BOC: variants seen among roughly 807,000 people sequenced by gnomAD.
The protein encoded by BOC is BOC cell adhesion associated, oncogene regulated.
A neutral mutation model predicts 112.0 loss-of-function variants in BOC; 76 were observed. That is an observed-to-expected ratio of 0.68 (90% CI 0.56 to 0.82). The LOEUF (loss-of-function observed/expected upper bound fraction) is 0.82, where lower values mean the gene tolerates loss of function less well. BOC is among the 40% of genes least tolerant of loss of function. The pLI, the probability that BOC is intolerant of heterozygous loss-of-function variation, is 0.00. For synonymous variants in BOC, 580 were observed against 599.8 expected (o/e 0.97, Z 0.48); for missense variants, 1,309 against 1,511.7 (o/e 0.87, Z 2.22).
At chr3:113,268,514 C>T (rs1440489135) in intron 5 of BOC, 69 bp downstream of exon 5, 5 of 1,492,336 alleles carry the variant, frequency 3.4e-6, no homozygotes, top group Non-Finnish European at 4.6e-6. Context: ...CAACCGCTCG[C>T]TGCTCAACAA....
chr3:113,255,704 T>G (rs1499898), intron 4 of BOC, among the ~76,000 whole-genome samples: 1 of 152,160 alleles, frequency 6.6e-6, no homozygotes, highest in East Asian at 1.9e-4. Flanking sequence ...CATATACTCC[T>G]GAATGGTCCT....
rs34031097 is a variant in BOC, at chr3:113,276,988, AAGATGAGC to A, written c.1543-1104_1543-1097del. 6.0e-3 allele frequency among the ~76,000 whole-genome samples: 921 copies of A among 152,324 alleles called. 7 individuals are homozygous for A. The highest frequency in any genetic ancestry group is 0.021 in the African/African-American group (872 of 41,566). The stretch of plus-strand genomic sequence containing the variant: ...TGTTGTCCCGAAAGGTGGCGCGGCA[AAGATGAGC>A]AGCCTCTCAGCATCACCTGTTGGGG... On this transcript the variant is annotated intron_variant, in intron 9 of 19. Transcript: ENST00000682979.
In BOC at chr3:113,273,037, G is replaced by C. The variant is rs748417440; in HGVS notation, c.962-32G>C. 3.0e-5 allele frequency: 47 copies of C among 1,575,834 alleles called. No individual in the cohort carries two copies. The Admixed American group carries it at 3.2e-4, about 11-fold the overall frequency. On this transcript the variant is annotated intron_variant, in intron 7 of 19. Coordinates refer to ENST00000682979, the MANE Select transcript of BOC (RefSeq NM_001378074.1). ...TCTGGCCCTGGGACAGAAAGACACA[G>C]CCCTTCTCACCCTGCTCTGGTTTCC...
chr3:113,236,715 T>G (rs1422803655), intron 2 of BOC, among the ~76,000 whole-genome samples: 2 of 152,130 alleles, frequency 1.3e-5, no homozygotes, highest in Non-Finnish European at 2.9e-5. Context: ...CAATGAACAT[T>G]TTTTTAAAAA....
chr3:113,278,026 T>C lies in BOC; in HGVS notation c.1543-69T>C, dbSNP rs1047287886. The C allele has an allele frequency of 5.4e-5, 85 of 1,576,166 alleles. 2 individuals carry two copies. In the South Asian group the frequency reaches 8.3e-4, roughly 15 times the overall value. On this transcript the variant is annotated intron_variant, in intron 9 of 19. Transcript: ENST00000682979. This position sits in a 1 kb window ranked among gnomAD's most constrained non-coding sequence, Gnocchi z 4.2. ...CCCTCTTGGGCTCAGCGCTGCTTTC[T>C]TTGTAAACCATAGCCCACTCGTAGC...
chr3:113,280,545 C>G lies in BOC; in HGVS notation c.2206-13C>G. 1 of 1,566,346 alleles carries G rather than the reference C, an allele frequency of 6.4e-7. No homozygotes were observed. Among genetic ancestry groups the G allele is most frequent in the South Asian group, 1.1e-5 (1 of 90,024 alleles). On this transcript the variant is annotated splice_polypyrimidine_tract_variant and intron_variant, in intron 13 of 19. Transcript: ENST00000682979. ...TGCCCATTGTCAACTTGTTTCTTCTCCATTCCCTATAGTACATCCCAGCAA... is the reference window on the plus strand; with the variant it reads ...TGCCCATTGTCAACTTGTTTCTTCTGCATTCCCTATAGTACATCCCAGCAA...
chr3:113,265,132 A>C (rs1318884294), intron 4 of BOC, among the ~76,000 whole-genome samples: 2 of 152,144 alleles, frequency 1.3e-5, no homozygotes, highest in Non-Finnish European at 2.9e-5. Context: ...GTTTTCTACC[A>C]CTGGGTTGCT....
Position 113,270,788 on chromosome 3 carries a change from G to T in BOC, c.524-13G>T. ...ACCCATCCCATCTTCCCCTGGCCCT[G>T]CCCTTTCCACAGGTAACTACCTGAT... is the stretch of plus-strand genomic sequence containing the variant. On this transcript the variant is annotated splice_polypyrimidine_tract_variant and intron_variant, in intron 5 of 19. Transcript: ENST00000682979. The T allele has an allele frequency of 3.7e-6, 6 of 1,601,606 alleles. No homozygotes were observed. Among genetic ancestry groups the T allele is most frequent in the Non-Finnish European group, 5.1e-6 (6 of 1,173,610 alleles).
chr3:113,283,720 G>C (rs934693690), intron 16 of BOC, 88 bp downstream of exon 16: 10 of 1,302,676 alleles, frequency 7.7e-6, no homozygotes, highest in Non-Finnish European at 8.6e-6. Flanking sequence ...TGTGTCCATG[G>C]AAAGCTCAAG....
chr3:113,220,182 G>A (rs1484435578), intron 2 of BOC, among the ~76,000 whole-genome samples: 2 of 152,188 alleles, frequency 1.3e-5, no homozygotes, highest in African/African-American at 4.8e-5. Context: ...TACTCATAGA[G>A]CAGCCACCAG....
At position 113,242,159 on chromosome 3, in the gene BOC, G is replaced by T. The variant is rs116092193; in HGVS notation, c.-81-7563G>T. Among the ~76,000 whole-genome samples, 542 of 152,112 alleles carry T rather than the reference G, an allele frequency of 3.6e-3. 4 individuals are homozygous for T. The highest frequency in any genetic ancestry group is 0.012 in the African/African-American group (513 of 41,496). ...AAGAAAAGAGAACGGCCTTCTAGGA[G>T]TGTAGGAGCTGCGTTTATCCAATTA... On this transcript the variant is annotated intron_variant, in intron 2 of 19. Coordinates refer to ENST00000682979, the MANE Select transcript of BOC (RefSeq NM_001378074.1).
chr3:113,276,872 G>T lies in BOC; in HGVS notation c.1543-1223G>T, dbSNP rs114078185. On this transcript the variant is annotated intron_variant, in intron 9 of 19. Coordinates refer to ENST00000682979, the MANE Select transcript of BOC (RefSeq NM_001378074.1). ...TTTGGAATATTCTGCTCAGAGAGAAGAGCTTTTCCTTACAGCTGTTTTCTT... is the reference window on the plus strand; with the variant it reads ...TTTGGAATATTCTGCTCAGAGAGAATAGCTTTTCCTTACAGCTGTTTTCTT... Among the ~76,000 whole-genome samples the T allele has an allele frequency of 6.2e-3, 943 of 152,298 alleles. 10 individuals carry two copies. The highest frequency in any genetic ancestry group is 0.021 in the African/African-American group (886 of 41,544).
intron 2 of BOC, among the ~76,000 whole-genome samples, chr3:113,219,325 C>G (rs763424707): frequency 6.6e-6 from 1 of 152,214 alleles, no homozygotes; most frequent in African/African-American, 2.4e-5. Context: ...GCCCTTCCAG[C>G]GATGGAGAGA....
At position 113,278,193 on chromosome 3, in the gene BOC, A is replaced by G. The variant is rs375842904; in HGVS notation, c.1641A>G (p.Glu547=). The G allele has an allele frequency of 1.2e-6, 2 of 1,614,060 alleles. No individual in the cohort carries two copies. Among genetic ancestry groups the G allele is most frequent in the Non-Finnish European group, 1.7e-6 (2 of 1,180,048 alleles). ...GACTTGACCCCGGGAGCTTGTATGAAGTGGAGATGGCAGCTTACAACTGTG... is the reference window on the plus strand; with the variant it reads ...GACTTGACCCCGGGAGCTTGTATGAGGTGGAGATGGCAGCTTACAACTGTG... ...LTRLDPGSLY[E]VEMAAYNCAG... The change falls in exon 10 of 20, where the codon GAA becomes GAG. Residue 547 remains glutamate, a synonymous_variant. Transcript: ENST00000682979. The surrounding 1 kb of genome is among the most constrained non-coding windows in gnomAD (Gnocchi z 4.2).
chr3:113,279,173 A>T, intron 11 of BOC, 76 bp from the exon 12 acceptor site: 1 of 1,466,118 alleles, frequency 6.8e-7, no homozygotes, highest in East Asian at 2.3e-5. Flanking sequence ...GTGGGCATAC[A>T]GCGTCATCTC....
chr3:113,230,800 A>G (rs1026430772), intron 2 of BOC, among the ~76,000 whole-genome samples: 8 of 152,264 alleles, frequency 5.3e-5, no homozygotes, highest in Admixed American at 2.0e-4. Flanking sequence ...TTAGTAATTT[A>G]GCAGGAAAAA....
At chr3:113,270,659 C>A in intron 5 of BOC, 142 bp from the exon 6 acceptor site, 2 of 918,150 alleles carry the variant, frequency 2.2e-6, no homozygotes, top group Non-Finnish European at 3.3e-6. Context: ...TAGGCTTTGT[C>A]TTGTGGGGAC....
Position 113,278,402 on chromosome 3 carries a change from T to C in BOC, c.1705+145T>C. On this transcript the variant is annotated intron_variant, in intron 10 of 19. Coordinates refer to ENST00000682979, the MANE Select transcript of BOC (RefSeq NM_001378074.1). This position sits in a 1 kb window ranked among gnomAD's most constrained non-coding sequence, Gnocchi z 4.2. ...TTCCAGCTACTGCCTCCTTGTGGTT[T>C]GTGTGCTAGGCTGAGGTCCCAGCTC... 1 of 1,056,460 alleles carries C rather than the reference T, an allele frequency of 9.5e-7. No homozygotes were observed. The highest frequency in any genetic ancestry group is 1.6e-5 in the South Asian group (1 of 63,742). The allele number at this position is 1,056,460 out of a possible 1,614,324, so 65.4% of individuals were successfully genotyped here.
rs894519795 is a variant in BOC, at chr3:113,278,053, C to T, written c.1543-42C>T. 5.6e-6 allele frequency: 9 copies of T among 1,610,080 alleles called. No homozygotes were observed. The highest frequency in any genetic ancestry group is 3.3e-5 in the Admixed American group (2 of 59,946). On this transcript the variant is annotated intron_variant, in intron 9 of 19. Transcript: ENST00000682979. The surrounding 1 kb of genome is among the most constrained non-coding windows in gnomAD (Gnocchi z 4.2). ...TGTAAACCATAGCCCACTCGTAGCC[C>T]GAGGCTGAGATGCCGGTCTTTATAC...
Sources: gnomAD v4.1 joint callset for allele counts (sites outside exome capture counted in the v4.1 genomes callset) on GRCh38, gnomAD v4.1.1 for gene constraint, Gnocchi (gnomAD v3.1) non-coding constraint, MANE v1.5 for transcripts, NCBI Gene and HGNC (gene_info 2026-07-23, HGNC 2026-07-21) for gene names.